Variants in DCTN1 observed in about 807,000 individuals in gnomAD.
DCTN1 encodes dynactin subunit 1.
A neutral mutation model predicts 161.2 loss-of-function variants in DCTN1; 61 were observed. The observed-to-expected ratio is 0.38, with a 90% CI of 0.31 to 0.47. The LOEUF (loss-of-function observed/expected upper bound fraction) is 0.47. DCTN1 is among the 20% of genes least tolerant of loss of function. The probability of loss-of-function intolerance (pLI) is 0.99; values close to 1 mark genes in which losing one functional copy is unlikely to be tolerated. For missense variants in DCTN1, 1,404 were observed against 1,623.7 expected, an observed-to-expected ratio of 0.86 and a Z score of 2.33; for synonymous variants, 653 against 632.4, an observed-to-expected ratio of 1.03 and a Z score of -0.49.
chr2:74,363,849 CAG>C (rs1395773220), intron 26 of DCTN1: 1 of 651,334 alleles, frequency 1.5e-6, no homozygotes, highest in Non-Finnish European at 2.8e-6. Flanking sequence ...GGCCACAAGA[CAG>C]GGTACAATGT....
At chr2:74,377,537 T>G (rs1675295719) in intron 3 of DCTN1, 71 bp from the exon 4 acceptor site, 3 of 1,534,846 alleles carry the variant, frequency 2.0e-6, no homozygotes, top group Non-Finnish European at 2.7e-6. Flanking sequence ...TAAGGGAATA[T>G]GGTAGTGACG....
upstream of DCTN1, among the ~76,000 whole-genome samples, chr2:74,381,750 C>G (rs907046193): frequency 1.3e-5 from 2 of 152,274 alleles, no homozygotes; most frequent in East Asian, 1.9e-4. Context: ...ATCTCTATGC[C>G]TCAATTTCCT....
At chr2:74,367,946 G>T in intron 17 of DCTN1, 25 bp downstream of exon 17, 1 of 1,614,216 alleles carries the variant, frequency 6.2e-7, no homozygotes, top group Non-Finnish European at 8.5e-7. Flanking sequence ...CCCACCCTGG[G>T]GTGAGGGAGT....
intron 1 of DCTN1, chr2:74,385,892 T>C (rs1241157304): frequency 1.3e-5 from 2 of 152,238 alleles, no homozygotes; most frequent in African/African-American, 4.8e-5. Context: ...TATGTTATTA[T>C]ATAAGGTTTT....
intron 6 of DCTN1, 73 bp downstream of exon 6, chr2:74,374,244 GCCCCCA>G: frequency 6.8e-7 from 1 of 1,481,116 alleles, no homozygotes; most frequent in Non-Finnish European, 9.4e-7. Flanking sequence ...AAGTCAATCA[GCCCCCA>G]CCCCCACCCC....
intron 16 of DCTN1, 171 bp downstream of exon 16, chr2:74,368,557 T>C: frequency 1.1e-6 from 1 of 911,568 alleles, no homozygotes; most frequent in Non-Finnish European, 1.7e-6. Context: ...TATCTCTCCT[T>C]GAAAACACAC....
At position 74,369,977 on chromosome 2, in the gene DCTN1, A is replaced by G. The variant is rs775870038; in HGVS notation, c.1380T>C (p.Thr460=). The part of the protein sequence containing the change: ...LEEKVRELRE[T]VGDLEAMNEM... ...GCTCTTCTCTTACCAAGTCTCCCAC[A>G]GTCTCCCTCAACTCGCGCACTTTCT... is the stretch of plus-strand genomic sequence containing the variant. Residue 460 remains threonine, a synonymous_variant, in exon 13 of 32, where the codon ACT becomes ACC. Coordinates refer to ENST00000628224, the MANE Select transcript of DCTN1 (RefSeq NM_004082.5). The surrounding 1 kb of genome is among the most constrained non-coding windows in gnomAD (Gnocchi z 4.9). 4.3e-6 allele frequency: 7 copies of G among 1,614,146 alleles called. 1 individual carries two copies. In the South Asian group the frequency reaches 6.6e-5, roughly 15 times the overall value.
rs896989123 is a variant in DCTN1, at chr2:74,370,812, G to A, written c.857C>T (p.Ala286Val). Residue 286 changes from alanine to valine, a missense_variant, in exon 10 of 32, where the codon GCG becomes GTG. By Grantham distance (64) the Ala-to-Val change is moderately conservative. Coordinates refer to ENST00000628224, the MANE Select transcript of DCTN1 (RefSeq NM_004082.5). This position sits in a 1 kb window ranked among gnomAD's most constrained non-coding sequence, Gnocchi z 4.4. ...LKEARKEAKEALEAKERYMEE... is the reference protein window; with the variant it reads ...LKEARKEAKEVLEAKERYMEE... ...CATATAGCGTTCCTTTGCCTCCAGC[G>A]CCTCCTTGGCTTCCTGAGGAAGAAG... 3.1e-6 allele frequency: 5 copies of A among 1,614,176 alleles called. No individual in the cohort carries two copies. The highest frequency in any genetic ancestry group is 1.1e-5 in the South Asian group (1 of 91,082).
intron 22 of DCTN1, 28 bp downstream of exon 22, chr2:74,366,431 C>T: frequency 6.2e-7 from 1 of 1,614,234 alleles, no homozygotes; most frequent in Non-Finnish European, 8.5e-7. Flanking sequence ...ACTCTCCCCA[C>T]ACCTTCTACC....
upstream of DCTN1, among the ~76,000 whole-genome samples, chr2:74,384,069 T>C (rs777172069): frequency 2.0e-5 from 3 of 152,074 alleles, no homozygotes; most frequent in Non-Finnish European, 4.4e-5. Context: ...AATGTAATAA[T>C]TGAAACATTA....
chr2:74,386,607 T>C (rs1315494795), intron 1 of DCTN1: 2 of 152,206 alleles, frequency 1.3e-5, no homozygotes, highest in African/African-American at 2.4e-5. Context: ...TTCCTTTACA[T>C]TTTCAAGTCC....
intron 31 of DCTN1, 69 bp downstream of exon 31, chr2:74,361,983 T>G: frequency 6.6e-7 from 1 of 1,507,140 alleles, no homozygotes; most frequent in Non-Finnish European, 9.2e-7. Context: ...CTCCTCCAAT[T>G]CTGGAGGAGA....
Position 74,368,613 on chromosome 2 carries a change from T to C in DCTN1, c.1854+115A>G, listed in dbSNP as rs117512399. 1,303 of 1,439,842 alleles carry C rather than the reference T, an allele frequency of 9.0e-4. 13 individuals carry two copies. The East Asian group carries it at 0.027, about 29-fold the overall frequency. 89.2% of individuals were successfully genotyped at this position (1,439,842 alleles called of 1,614,324 possible). On this transcript the variant is annotated intron_variant, in intron 16 of 31. Coordinates refer to ENST00000628224, the MANE Select transcript of DCTN1 (RefSeq NM_004082.5). The stretch of plus-strand genomic sequence containing the variant: ...CGGTGACTTTGCTGTGTTCCTCCAC[T>C]ATACCATAAACTCTTTGTGGGCAGA...
intron 18 of DCTN1, 97 bp downstream of exon 18, chr2:74,367,599 A>T: frequency 1.3e-6 from 2 of 1,580,938 alleles, no homozygotes; most frequent in Non-Finnish European, 1.7e-6. Flanking sequence ...CTCAAGCAGC[A>T]AGCATGGGAC....
rs755013572 is a variant in DCTN1 at position 74,361,526 on chromosome 2, G to T, written c.3810C>A (p.His1270Gln). 1.2e-5 allele frequency: 20 copies of T among 1,614,030 alleles called. No homozygotes were observed. The highest frequency in any genetic ancestry group is 1.7e-5 in the Non-Finnish European group (20 of 1,180,044). ...HRLVLTQEQL[H>Q]QLHSRLIS The stretch of plus-strand genomic sequence containing the variant: ...AGGAGATGAGGCGACTGTGAAGCTG[G>T]TGCAGCTGCTCCTGGGTCAGCACCA... The change falls in exon 32 of 32, where the codon CAC (histidine) becomes CAA (glutamine). Residue 1270 changes from histidine to glutamine, a missense_variant. By Grantham distance (24) the His-to-Gln change is conservative (BLOSUM62 0). Coordinates refer to ENST00000628224, the MANE Select transcript of DCTN1 (RefSeq NM_004082.5).
In DCTN1 at chr2:74,361,354, C is replaced by T. The variant is rs757513753; in HGVS notation, c.*145G>A. 2.8e-5 allele frequency: 32 copies of T among 1,153,914 alleles called. No homozygotes were observed. Among genetic ancestry groups the T allele is most frequent in the Non-Finnish European group, 3.5e-5 (28 of 796,118 alleles). The allele number at this position is 1,153,914 out of a possible 1,614,324, so 71.5% of individuals were successfully genotyped here. A position where few individuals can be genotyped will look rare whatever the true frequency, so the allele number is the denominator to read the frequency against. ...CCCGGGTCAAGGTGAAGGGGCAGGACGCTGAAAGGGTGGGAGTGAAGCTGA... is the reference window on the plus strand; with the variant it reads ...CCCGGGTCAAGGTGAAGGGGCAGGATGCTGAAAGGGTGGGAGTGAAGCTGA... On this transcript the variant is annotated 3_prime_UTR_variant, in exon 32 of 32. Transcript: ENST00000628224.
At chr2:74,367,942 C>G (rs375965921) in intron 17 of DCTN1, 29 bp downstream of exon 17, 2 of 1,614,128 alleles carry the variant, frequency 1.2e-6, no homozygotes, top group African/African-American at 1.3e-5. Context: ...GACCCCCACC[C>G]TGGGGTGAGG....
rs144436649 is a variant in DCTN1 at position 74,364,621 on chromosome 2, G to C, written c.3196+454C>G. ...AAACTGGGATAATTCAGCAGTGGAAGATATGACCACATCATAAAATGAAGC... is the reference window on the plus strand; with the variant it reads ...AAACTGGGATAATTCAGCAGTGGAACATATGACCACATCATAAAATGAAGC... On this transcript the variant is annotated intron_variant, in intron 26 of 31. Coordinates refer to ENST00000628224, the MANE Select transcript of DCTN1 (RefSeq NM_004082.5). 1.8e-3 allele frequency: 500 copies of C among 275,762 alleles called. 3 individuals carry two copies. The highest frequency in any genetic ancestry group is 0.011 in the African/African-American group (491 of 45,712). The allele number at this position is 275,762 out of a possible 1,614,324, so 17.1% of individuals were successfully genotyped here.
Position 74,378,197 on chromosome 2 carries a change from G to T in DCTN1, c.82C>A (p.Arg28=). The T allele has an allele frequency of 6.2e-7, 1 of 1,612,910 alleles. No individual in the cohort carries two copies. The highest frequency in any genetic ancestry group is 1.1e-5 in the South Asian group (1 of 91,088). The change falls in exon 2 of 32, where the codon CGG becomes AGG. Residue 28 remains arginine (R), a synonymous_variant. Coordinates refer to ENST00000628224, the MANE Select transcript of DCTN1 (RefSeq NM_004082.5). ...MSAEASARPL[R]VGSRVEVIGK... is the part of the protein sequence containing the mutation. Reference sequence around the variant, plus strand: ...ATCACCTCTACACGGGAGCCCACCCGCAGAGGCCGGGCGCTTGCCTCCGCA... The same window carrying T: ...ATCACCTCTACACGGGAGCCCACCCTCAGAGGCCGGGCGCTTGCCTCCGCA...
Sources: allele counts gnomAD v4.1 joint callset (sites outside exome capture counted in the v4.1 genomes callset), GRCh38; gene constraint gnomAD v4.1.1; non-coding constraint Gnocchi (gnomAD v3.1); transcripts MANE v1.5; gene names NCBI Gene and HGNC (gene_info 2026-07-23, HGNC 2026-07-21).